Variants in NEK4 observed in about 807,000 individuals in gnomAD.
The protein encoded by NEK4 is NIMA related kinase 4.
In NEK4, 86 loss-of-function variants were observed where a neutral mutation model predicts 98.4. The observed-to-expected ratio is 0.87, with a 90% CI of 0.73 to 1.05. NEK4 has a LOEUF of 1.05. Ranked by LOEUF, NEK4 falls within the 50% of genes least tolerant of loss-of-function variation. The pLI is 0.00. For synonymous variants in NEK4, 328 were observed against 342.2 expected (o/e 0.96, Z 0.46); for missense variants, 898 against 950.3 (o/e 0.94, Z 0.72).
At chr3:52,762,718 T>A (rs1277674622) in intron 5 of NEK4, among the ~76,000 whole-genome samples, 1 of 152,084 alleles carries the variant, frequency 6.6e-6, no homozygotes, top group Non-Finnish European at 1.5e-5. Flanking sequence ...CTGTCTCTAC[T>A]AAAACTACAA....
intron 5 of NEK4, 65 bp from the exon 6 acceptor site, chr3:52,761,001 T>C: frequency 1.0e-6 from 1 of 978,420 alleles, no homozygotes; most frequent in Non-Finnish European, 1.6e-6. Flanking sequence ...TTTAGGTATA[T>C]GTGGGAGTGT....
chr3:52,739,716 T>G lies in NEK4; in HGVS notation c.2094-82A>C, dbSNP rs920331083. ...AAAAAATTACGTGCAAAACGACCTT[T>G]CGGGAATTATCCTTTGAAATGTCCA... On this transcript the variant is annotated intron_variant, in intron 13 of 15. Coordinates refer to ENST00000233027, the MANE Select transcript of NEK4 (RefSeq NM_003157.6). The G allele has an allele frequency of 5.8e-5, 68 of 1,171,166 alleles. No individual in the cohort carries two copies. The African/African-American group carries it at 9.0e-4, about 15-fold the overall frequency. The allele number at this position is 1,171,166 out of a possible 1,614,324, so 72.5% of individuals were successfully genotyped here. A position where few individuals can be genotyped will look rare whatever the true frequency, so the allele number is the denominator to read the frequency against.
intron 15 of NEK4, among the ~76,000 whole-genome samples, chr3:52,712,854 T>C (rs2097351765): frequency 6.6e-6 from 1 of 152,174 alleles, no homozygotes; most frequent in South Asian, 2.1e-4. Flanking sequence ...TCTGCTAATG[T>C]GTTCCTCTCA....
At position 52,765,126 on chromosome 3, in the gene NEK4, G is replaced by A. The variant is rs371625908; in HGVS notation, c.666+761C>T. Reference sequence around the variant, plus strand: ...AGCATTTTGGGAGGCTGAGGCGGGCGGATCACCTGAGGTAAGGAGTTCGAG... The same window carrying A: ...AGCATTTTGGGAGGCTGAGGCGGGCAGATCACCTGAGGTAAGGAGTTCGAG... On this transcript the variant is annotated intron_variant, in intron 4 of 15. Coordinates refer to ENST00000233027, the MANE Select transcript of NEK4 (RefSeq NM_003157.6). Among the ~76,000 whole-genome samples the A allele has an allele frequency of 2.3e-4, 35 of 152,116 alleles. No individual in the cohort carries two copies. The East Asian group carries it at 5.2e-3, about 23-fold the overall frequency.
At chr3:52,752,933 T>TCACACACACACACAC (rs1553616658) in intron 6 of NEK4, among the ~76,000 whole-genome samples, 1 of 75,574 alleles carries the variant, frequency 1.3e-5, no homozygotes, top group African/African-American at 5.4e-5. Flanking sequence ...TATATATATA[T>TCACACACACACACAC]ACACACACAC....
At chr3:52,758,827 T>C (rs993585628) in intron 6 of NEK4, among the ~76,000 whole-genome samples, 1 of 151,980 alleles carries the variant, frequency 6.6e-6, no homozygotes, top group African/African-American at 2.4e-5. Context: ...AGGGGCTGGG[T>C]GATGTGGCTC....
At chr3:52,754,764 A>G in intron 6 of NEK4, 1 of 374,328 alleles carries the variant, frequency 2.7e-6, no homozygotes. Context: ...GACCAATGGC[A>G]ATGGACAGCT....
chr3:52,764,032 C>T (rs58401396), intron 4 of NEK4, among the ~76,000 whole-genome samples: 2 of 152,318 alleles, frequency 1.3e-5, no homozygotes, highest in African/African-American at 4.8e-5. Context: ...CGCCTGTAAT[C>T]CCAGCACTTT....
chr3:52,717,406 CAAAA>C (rs34559317), intron 15 of NEK4, among the ~76,000 whole-genome samples: 1 of 83,704 alleles, frequency 1.2e-5, no homozygotes. Context: ...GACTCCATCT[CAAAA>C]AAAAAAAAAA....
Position 52,731,943 on chromosome 3 carries a change from G to GC in NEK4, c.2433+5642_2433+5643insG, listed in dbSNP as rs1469854293. 2.6e-5 allele frequency among the ~76,000 whole-genome samples: 4 copies of GC among 152,292 alleles called. No individual in the cohort carries two copies. In the East Asian group the frequency reaches 7.7e-4, roughly 29 times the overall value. ...GTGAGTAAGTCTCACGAGATCTGAC[G>GC]GTTTTATGAAGGGCAGTCCCCCTGC... On this transcript the variant is annotated intron_variant, in intron 15 of 15. Transcript: ENST00000233027.
intron 15 of NEK4, among the ~76,000 whole-genome samples, chr3:52,713,238 A>C (rs1205303528): frequency 6.6e-6 from 1 of 152,208 alleles, no homozygotes; most frequent in African/African-American, 2.4e-5. Flanking sequence ...CACTGAGGGC[A>C]TATCACTTCT....
chr3:52,724,004 G>A (rs372560950), intron 15 of NEK4, among the ~76,000 whole-genome samples: 20 of 152,176 alleles, frequency 1.3e-4, no homozygotes, highest in East Asian at 7.7e-4. Context: ...AGGCCACGGC[G>A]GGTGGATCAC....
intron 4 of NEK4, 80 bp from the exon 5 acceptor site, chr3:52,763,704 T>G: frequency 9.6e-7 from 1 of 1,039,452 alleles, no homozygotes; most frequent in Admixed American, 2.4e-5. Flanking sequence ...TTCCCAATAT[T>G]TATTTATAGT....
intron 5 of NEK4, 88 bp downstream of exon 5, chr3:52,763,382 C>A: frequency 7.8e-7 from 1 of 1,282,836 alleles, no homozygotes; most frequent in Non-Finnish European, 1.1e-6. Flanking sequence ...AGAAAACTCA[C>A]CATTAATTCT....
intron 15 of NEK4, among the ~76,000 whole-genome samples, chr3:52,723,394 C>T (rs2097361799): frequency 6.6e-6 from 1 of 152,060 alleles, no homozygotes; most frequent in African/African-American, 2.4e-5. Flanking sequence ...ATTACAGGTG[C>T]ATGCCACCGT....
intron 5 of NEK4, among the ~76,000 whole-genome samples, chr3:52,762,914 A>C (rs1698410048): frequency 1.3e-5 from 2 of 152,134 alleles, no homozygotes; most frequent in Non-Finnish European, 2.9e-5. Context: ...TAAGTGCAAG[A>C]AGGGCACTCT....
chr3:52,733,616 T>C, intron 15 of NEK4: 1 of 502,850 alleles, frequency 2.0e-6, no homozygotes. Flanking sequence ...GTAACAAACG[T>C]TGAAAGCATT....
intron 15 of NEK4, among the ~76,000 whole-genome samples, chr3:52,728,561 T>C (rs527770430): frequency 2.6e-4 from 39 of 152,330 alleles, no homozygotes; most frequent in South Asian, 1.7e-3. Context: ...ACTGTACAAA[T>C]TGATTGTAAA....
At chr3:52,766,454 G>T in intron 2 of NEK4, 79 bp from the exon 3 acceptor site, 1 of 1,008,112 alleles carries the variant, frequency 9.9e-7, no homozygotes, top group Non-Finnish European at 1.5e-6. Context: ...TATACCATCA[G>T]CAATGGCATG....
Sources: gnomAD v4.1 joint callset for allele counts (sites outside exome capture counted in the v4.1 genomes callset) on GRCh38, gnomAD v4.1.1 for gene constraint, MANE v1.5 for transcripts, NCBI Gene and HGNC (gene_info 2026-07-23, HGNC 2026-07-21) for gene names.